SLC24A3: variants seen among roughly 807,000 people sequenced by gnomAD.
The protein encoded by SLC24A3 is sodium/potassium/calcium exchanger 3.
SLC24A3 carries 28 observed loss-of-function variants against 75.8 expected under a neutral mutation model. That is an observed-to-expected ratio of 0.37 (90% CI 0.27 to 0.51). The LOEUF (loss-of-function observed/expected upper bound fraction) is 0.51, where lower values mean the gene tolerates loss of function less well. Ranked by LOEUF, SLC24A3 falls within the 20% of genes least tolerant of loss-of-function variation. SLC24A3 has a pLI of 0.94. For synonymous variants in SLC24A3, 372 were observed against 334.1 expected (o/e 1.11, Z -1.24); for missense variants, 663 against 847.8 (o/e 0.78, Z 2.71).
chr20:19,228,947 A>G (rs1981942766), intron 1 of SLC24A3, among the ~76,000 whole-genome samples: 1 of 152,148 alleles, frequency 6.6e-6, no homozygotes, highest in African/African-American at 2.4e-5. Context: ...ATGTTCCTCT[A>G]TGTTCTGGAA....
intron 1 of SLC24A3, among the ~76,000 whole-genome samples, chr20:19,270,123 T>C (rs1467081993): frequency 6.6e-6 from 1 of 152,218 alleles, no homozygotes; most frequent in Non-Finnish European, 1.5e-5. Context: ...TTTTCCTTTC[T>C]GAAACACAGC....
intron 2 of SLC24A3, among the ~76,000 whole-genome samples, chr20:19,336,345 C>T (rs560683368): frequency 1.3e-5 from 2 of 152,312 alleles, no homozygotes; most frequent in South Asian, 4.1e-4. Flanking sequence ...AGATTTACTA[C>T]CTTGCCCTTT....
intron 6 of SLC24A3, among the ~76,000 whole-genome samples, chr20:19,599,892 C>T (rs1423646390): frequency 6.6e-6 from 1 of 152,128 alleles, no homozygotes; most frequent in African/African-American, 2.4e-5. Context: ...AGGAGGAAAG[C>T]TTGAGAGGGG....
At chr20:19,444,243 G>A (rs187626465) in intron 2 of SLC24A3, among the ~76,000 whole-genome samples, 77 of 152,246 alleles carry the variant, frequency 5.1e-4, no homozygotes, top group African/African-American at 1.8e-3. Flanking sequence ...CTGATATTTT[G>A]TTGAGGATTT....
chr20:19,387,182 A>G (rs1036429608), intron 2 of SLC24A3, among the ~76,000 whole-genome samples: 6 of 151,964 alleles, frequency 3.9e-5, no homozygotes, highest in African/African-American at 1.2e-4. Context: ...TGTAGAATCT[A>G]TTGTAATGTT....
Position 19,536,020 on chromosome 20 carries a change from C to A in SLC24A3, c.348+20456C>A, listed in dbSNP as rs2030389793. 2.0e-5 allele frequency among the ~76,000 whole-genome samples: 3 copies of A among 152,088 alleles called. No homozygotes were observed. The South Asian group carries it at 6.2e-4, about 32-fold the overall frequency. ...CCACCCTCACAATAATGGCATTAAT[C>A]CCCTCTTAAAGGTCCCACCTCTTAA... On this transcript the variant is annotated intron_variant, in intron 3 of 16. Transcript: ENST00000328041.
At chr20:19,224,195 A>AT (rs150599155) in intron 1 of SLC24A3, among the ~76,000 whole-genome samples, 13 of 152,008 alleles carry the variant, frequency 8.6e-5, no homozygotes, top group African/African-American at 3.1e-4. Context: ...AGGTTTGTGT[A>AT]TTCATTATCA....
At chr20:19,314,847 T>C (rs1984547100) in intron 2 of SLC24A3, among the ~76,000 whole-genome samples, 1 of 152,200 alleles carries the variant, frequency 6.6e-6, no homozygotes. Flanking sequence ...TGGACATGAG[T>C]TACCGACTGT....
intron 2 of SLC24A3, among the ~76,000 whole-genome samples, chr20:19,475,056 A>T (rs1987939326): frequency 6.6e-6 from 1 of 152,164 alleles, no homozygotes; most frequent in South Asian, 2.1e-4. Flanking sequence ...AATCACATCC[A>T]GGCTGGGCGC....
chr20:19,460,226 A>C (rs902297168), intron 2 of SLC24A3, among the ~76,000 whole-genome samples: 1 of 151,932 alleles, frequency 6.6e-6, no homozygotes, highest in Admixed American at 6.6e-5. Context: ...TACTTCAGGC[A>C]CCTCTCACTA....
chr20:19,613,593 C>T (rs1052986819), intron 6 of SLC24A3, among the ~76,000 whole-genome samples: 8 of 152,182 alleles, frequency 5.3e-5, no homozygotes, highest in Non-Finnish European at 7.3e-5. Flanking sequence ...AATTCCTGGG[C>T]GTCACTTCCA....
At chr20:19,367,534 G>A (rs1411189107) in intron 2 of SLC24A3, among the ~76,000 whole-genome samples, 1 of 151,446 alleles carries the variant, frequency 6.6e-6, no homozygotes, top group African/African-American at 2.4e-5. Context: ...CCAGAAAACT[G>A]TGAGTGTTCA....
chr20:19,458,439 G>T (rs968187402), intron 2 of SLC24A3, among the ~76,000 whole-genome samples: 3 of 152,094 alleles, frequency 2.0e-5, no homozygotes, highest in African/African-American at 7.2e-5. Context: ...CATTCACATT[G>T]TCTGTGCAAC....
chr20:19,222,960 A>T (rs75054877), intron 1 of SLC24A3, among the ~76,000 whole-genome samples: 1 of 151,822 alleles, frequency 6.6e-6, no homozygotes. Context: ...TAATTGAAAA[A>T]TTTTTTAGAG....
chr20:19,300,535 T>C (rs541084048), intron 2 of SLC24A3, among the ~76,000 whole-genome samples: 1 of 152,340 alleles, frequency 6.6e-6, no homozygotes, highest in South Asian at 2.1e-4. Flanking sequence ...AAAAGAATGC[T>C]GCTGTTTTGT....
chr20:19,542,269 T>C (rs181930206), intron 3 of SLC24A3, among the ~76,000 whole-genome samples: 1 of 152,210 alleles, frequency 6.6e-6, no homozygotes, highest in Non-Finnish European at 1.5e-5. Context: ...TACTAGGTAT[T>C]GAAATTGTAT....
chr20:19,714,478 C>A (rs927297455), intron 15 of SLC24A3, among the ~76,000 whole-genome samples: 7 of 151,244 alleles, frequency 4.6e-5, no homozygotes, highest in African/African-American at 1.7e-4. Flanking sequence ...TCCATAGCTG[C>A]AGCAGCTGGG....
chr20:19,419,863 A>G (rs1261701785), intron 2 of SLC24A3, among the ~76,000 whole-genome samples: 2 of 142,756 alleles, frequency 1.4e-5, no homozygotes, highest in African/African-American at 2.7e-5. Context: ...GTTTTAGGGT[A>G]CATGTGCACA....
In SLC24A3 at chr20:19,534,560, A is replaced by G. The variant is rs146692402; in HGVS notation, c.348+18996A>G. Among the ~76,000 whole-genome samples, 215 of 152,260 alleles carry G rather than the reference A, an allele frequency of 1.4e-3. 1 individual carries two copies. The highest frequency in any genetic ancestry group is 3.4e-3 in the Middle Eastern group (1 of 294). ...TGAGTAGCTGGGATTACAGGCATGT[A>G]TCACCACGCCTGGCTAATTTGTTCG... On this transcript the variant is annotated intron_variant, in intron 3 of 16. Coordinates refer to ENST00000328041, the MANE Select transcript of SLC24A3 (RefSeq NM_020689.4).
Sources: gnomAD v4.1 joint callset for allele counts (sites outside exome capture counted in the v4.1 genomes callset) on GRCh38, gnomAD v4.1.1 for gene constraint, MANE v1.5 for transcripts, NCBI Gene and HGNC (gene_info 2026-07-23, HGNC 2026-07-21) for gene names.